MAGI1: variants seen among roughly 807,000 people sequenced by gnomAD.
The protein encoded by MAGI1 is membrane associated guanylate kinase, WW and PDZ domain containing 1.
Under a neutral mutation model 139.9 loss-of-function variants are expected in MAGI1, and 58 were observed. The observed-to-expected ratio is 0.41, with a 90% CI of 0.34 to 0.52. MAGI1 has a LOEUF of 0.52. MAGI1 is among the 20% of genes least tolerant of loss of function. MAGI1 has a pLI of 0.12. For missense variants in MAGI1, 1,874 were observed against 1,901.6 expected, an observed-to-expected ratio of 0.99 and a Z score of 0.27; for synonymous variants, 812 against 737.9, an observed-to-expected ratio of 1.10 and a Z score of -1.63.
chr3:65,853,584 T>A (rs1319651405), intron 1 of MAGI1, among the ~76,000 whole-genome samples: 1 of 152,122 alleles, frequency 6.6e-6, no homozygotes, highest in Non-Finnish European at 1.5e-5. Flanking sequence ...AACCTCCCCA[T>A]TAACTTAATA....
chr3:65,948,848 G>A (rs909900092), intron 1 of MAGI1, among the ~76,000 whole-genome samples: 9 of 152,190 alleles, frequency 5.9e-5, no homozygotes, highest in Admixed American at 4.6e-4. Context: ...TACAGGGCAC[G>A]AAGACGATGC....
Position 65,519,335 on chromosome 3 carries a change from GACACAC to G in MAGI1, c.431-25710_431-25705del, listed in dbSNP as rs35232258. Among the ~76,000 whole-genome samples, 1,090 of 139,188 alleles carry G rather than the reference GACACAC, an allele frequency of 7.8e-3. 12 individuals carry two copies. The highest frequency in any genetic ancestry group is 0.021 in the African/African-American group (780 of 36,428). 91.3% of individuals were successfully genotyped at this position (139,188 alleles called of 152,430 possible). On this transcript the variant is annotated intron_variant, in intron 2 of 22. Coordinates refer to ENST00000402939, the MANE Select transcript of MAGI1 (RefSeq NM_001033057.2). ...TTTCATCACAGGAGTATCATGATCT[GACACAC>G]ACACACACACACACACACACACACA... is the stretch of plus-strand genomic sequence containing the variant.
chr3:65,602,505 A>C (rs1006154290), intron 2 of MAGI1, among the ~76,000 whole-genome samples: 2 of 152,160 alleles, frequency 1.3e-5, no homozygotes, highest in Non-Finnish European at 2.9e-5. Context: ...ATAGAGACAG[A>C]AGGTAAATCA....
At position 65,761,625 on chromosome 3, in the gene MAGI1, T is replaced by C. The variant is rs1386364944; in HGVS notation, c.314-139537A>G. On this transcript the variant is annotated intron_variant, in intron 1 of 22. Coordinates refer to ENST00000402939, the MANE Select transcript of MAGI1 (RefSeq NM_001033057.2). ...TGTTTCAAGCCAGCCACAAACCAAA[T>C]GCACAATGCCACAAAAGAAGTCTTT... Among the ~76,000 whole-genome samples the C allele has an allele frequency of 3.9e-5, 6 of 152,170 alleles. No homozygotes were observed. In the East Asian group the frequency reaches 9.6e-4, roughly 24 times the overall value.
intron 1 of MAGI1, among the ~76,000 whole-genome samples, chr3:65,824,253 T>C (rs915294754): frequency 6.6e-6 from 1 of 152,174 alleles, no homozygotes; most frequent in Admixed American, 6.6e-5. Flanking sequence ...CCTAAGCCCA[T>C]GTGGGATCTT....
intron 1 of MAGI1, among the ~76,000 whole-genome samples, chr3:65,727,225 C>T (rs755585195): frequency 1.3e-5 from 2 of 152,126 alleles, no homozygotes; most frequent in Non-Finnish European, 2.9e-5. Flanking sequence ...AATTCAACAA[C>T]TTATCTGACA....
chr3:65,937,002 G>A (rs3821908), intron 1 of MAGI1, among the ~76,000 whole-genome samples: 7 of 151,124 alleles, frequency 4.6e-5, no homozygotes, highest in Non-Finnish European at 8.8e-5. Flanking sequence ...GGTGGTGGTG[G>A]TGGTTGTTTT....
At chr3:65,634,954 A>G (rs1452615053) in intron 1 of MAGI1, among the ~76,000 whole-genome samples, 1 of 152,142 alleles carries the variant, frequency 6.6e-6, no homozygotes, top group Admixed American at 6.5e-5. Flanking sequence ...ATAGGTGTAA[A>G]TATGGACAGA....
Position 65,448,149 on chromosome 3 carries a change from A to T in MAGI1, c.1043-92T>A, listed in dbSNP as rs994761684. 7 of 1,103,700 alleles carry T rather than the reference A, an allele frequency of 6.3e-6. No individual in the cohort carries two copies. The African/African-American group carries it at 1.1e-4, about 17-fold the overall frequency. The allele number at this position is 1,103,700 out of a possible 1,614,324, so 68.4% of individuals were successfully genotyped here. A position where few individuals can be genotyped will look rare whatever the true frequency, so the allele number is the denominator to read the frequency against. The stretch of plus-strand genomic sequence containing the variant: ...AGAAAGGAAATCTCCTCAGGAAAAC[A>T]GCAGCAAACACATCACTCTAGTTCA... On this transcript the variant is annotated intron_variant, in intron 6 of 22. Transcript: ENST00000402939.
chr3:66,005,408 C>A (rs1242029859), intron 1 of MAGI1, among the ~76,000 whole-genome samples: 3 of 152,164 alleles, frequency 2.0e-5, no homozygotes, highest in Admixed American at 6.5e-5. Flanking sequence ...AATAGGCCCA[C>A]CTTTCAGACT....
At chr3:65,516,277 T>G (rs549401121) in intron 2 of MAGI1, among the ~76,000 whole-genome samples, 5 of 152,040 alleles carry the variant, frequency 3.3e-5, no homozygotes, top group Non-Finnish European at 7.4e-5. Flanking sequence ...CCTCCTGGGT[T>G]CAAGCGATTC....
intron 1 of MAGI1, among the ~76,000 whole-genome samples, chr3:65,704,713 T>C (rs763048368): frequency 1.3e-5 from 2 of 152,086 alleles, no homozygotes; most frequent in African/African-American, 2.4e-5. Context: ...TTGTGTGCAT[T>C]CAAGTGCATG....
intron 1 of MAGI1, among the ~76,000 whole-genome samples, chr3:65,951,019 GGAAGGAAGGAAGGAAGGA>G (rs879617982): frequency 0.054 from 6,287 of 116,662 alleles, 564 homozygotes; most frequent in Middle Eastern, 0.1. Context: ...AAGGAAGGAA[GGAAGGAAGGAAGGAAGGA>G]AAGGAGGGAG....
At chr3:65,866,698 C>G (rs938740650) in intron 1 of MAGI1, among the ~76,000 whole-genome samples, 1 of 152,152 alleles carries the variant, frequency 6.6e-6, no homozygotes, top group African/African-American at 2.4e-5. Flanking sequence ...CTTACATTCT[C>G]TGTCACCTCC....
chr3:65,632,987 A>G (rs779498258), intron 1 of MAGI1, among the ~76,000 whole-genome samples: 1 of 152,172 alleles, frequency 6.6e-6, no homozygotes, highest in Admixed American at 6.5e-5. Flanking sequence ...AGAAACTTAC[A>G]TGAAATAAAA....
chr3:65,497,253 G>C (rs1368063416), intron 2 of MAGI1, among the ~76,000 whole-genome samples: 3 of 152,158 alleles, frequency 2.0e-5, no homozygotes, highest in South Asian at 4.1e-4. Flanking sequence ...GGGAAAAAAA[G>C]CCAAGAAGTT....
At chr3:65,674,041 C>A (rs1221570156) in intron 1 of MAGI1, among the ~76,000 whole-genome samples, 1 of 152,070 alleles carries the variant, frequency 6.6e-6, no homozygotes, top group Non-Finnish European at 1.5e-5. Flanking sequence ...GGGTTCAGGA[C>A]CAGCCTGGGG....
intron 10 of MAGI1, among the ~76,000 whole-genome samples, chr3:65,436,857 A>C (rs930870830): frequency 1.3e-5 from 2 of 152,024 alleles, no homozygotes; most frequent in African/African-American, 4.8e-5. Flanking sequence ...CACAACAAAG[A>C]ATTACTTACC....
At chr3:65,560,909 G>C (rs566094901) in intron 2 of MAGI1, among the ~76,000 whole-genome samples, 1 of 152,316 alleles carries the variant, frequency 6.6e-6, no homozygotes, top group South Asian at 2.1e-4. Flanking sequence ...ATAAATTTTT[G>C]CATCAGCACA....
Sources: gnomAD v4.1 joint callset for allele counts (sites outside exome capture counted in the v4.1 genomes callset) on GRCh38, gnomAD v4.1.1 for gene constraint, MANE v1.5 for transcripts, NCBI Gene and HGNC (gene_info 2026-07-23, HGNC 2026-07-21) for gene names.